DPP10: variants seen among roughly 807,000 people sequenced by gnomAD.
DPP10 encodes inactive dipeptidyl peptidase 10.
In DPP10, 33 loss-of-function variants were observed where a neutral mutation model predicts 120.9. The observed-to-expected ratio is 0.27, with a 90% CI of 0.21 to 0.37. The LOEUF is 0.37. Among genes scored for constraint, DPP10 ranks in the 10% least tolerant of loss-of-function variants. The pLI, the probability that DPP10 is intolerant of heterozygous loss-of-function variation, is 1.00. For synonymous variants in DPP10, 337 were observed against 326.1 expected, an observed-to-expected ratio of 1.03 and a Z score of -0.36; for missense variants, 816 against 942.8, an observed-to-expected ratio of 0.87 and a Z score of 1.76.
At chr2:115,271,264 T>C (rs1574245006) in intron 1 of DPP10, among the ~76,000 whole-genome samples, 2 of 152,360 alleles carry the variant, frequency 1.3e-5, no homozygotes, top group South Asian at 4.1e-4. Flanking sequence ...TCAATACTGA[T>C]AGTTTTAAGA....
chr2:114,785,156 A>G (rs538684983), intron 1 of DPP10, among the ~76,000 whole-genome samples: 5 of 151,922 alleles, frequency 3.3e-5, no homozygotes, highest in Non-Finnish European at 5.9e-5. Flanking sequence ...CTCCTGTTCT[A>G]TTTTTGAGAA....
intron 1 of DPP10, among the ~76,000 whole-genome samples, chr2:115,300,390 C>T (rs1418685762): frequency 6.6e-6 from 1 of 152,006 alleles, no homozygotes; most frequent in African/African-American, 2.4e-5. Context: ...TATGTTGTAG[C>T]AACTGTCGGG....
At chr2:114,698,932 A>G (rs568868011) in intron 1 of DPP10, among the ~76,000 whole-genome samples, 1 of 152,230 alleles carries the variant, frequency 6.6e-6, no homozygotes, top group Non-Finnish European at 1.5e-5. Flanking sequence ...GTAACAGGCA[A>G]TTCCCATTTT....
intron 9 of DPP10, among the ~76,000 whole-genome samples, chr2:115,740,264 T>C (rs1170774001): frequency 6.6e-6 from 1 of 152,088 alleles, no homozygotes; most frequent in Non-Finnish European, 1.5e-5. Flanking sequence ...GAAAGTGCCA[T>C]GGTCAAATAC....
chr2:115,842,417 G>A lies in DPP10; in HGVS notation c.*72G>A. 1 of 1,520,204 alleles carries A rather than the reference G, an allele frequency of 6.6e-7. No homozygotes were observed. The highest frequency in any genetic ancestry group is 8.9e-7 in the Non-Finnish European group (1 of 1,125,156). The allele number at this position is 1,520,204 out of a possible 1,614,324, so 94.2% of individuals were successfully genotyped here. On this transcript the variant is annotated 3_prime_UTR_variant, in exon 26 of 26. Transcript: ENST00000410059. ...AACCTGACAAAGAGACTGTAATATTGTAGTTGCTCCAGAATGTCAAGGGCA... is the reference window on the plus strand; with the variant it reads ...AACCTGACAAAGAGACTGTAATATTATAGTTGCTCCAGAATGTCAAGGGCA...
intron 1 of DPP10, among the ~76,000 whole-genome samples, chr2:114,564,386 T>C (rs191953454): frequency 2.0e-5 from 3 of 152,228 alleles, no homozygotes; most frequent in Admixed American, 6.5e-5. Context: ...ATTTCCAAGC[T>C]CACTAAGACC....
chr2:115,105,780 T>C (rs2048918617), intron 1 of DPP10, among the ~76,000 whole-genome samples: 1 of 152,232 alleles, frequency 6.6e-6, no homozygotes, highest in Admixed American at 6.5e-5. Flanking sequence ...TAACAAAATA[T>C]GTATTGAAGC....
chr2:115,718,611 T>G lies in DPP10; in HGVS notation c.577-9205T>G, dbSNP rs76379771. Among the ~76,000 whole-genome samples, 747 of 152,302 alleles carry G rather than the reference T, an allele frequency of 4.9e-3. 4 individuals are homozygous for G. The highest frequency in any genetic ancestry group is 0.017 in the African/African-American group (705 of 41,552). ...TAGGCAGTAACATTTTCTCCTAAAT[T>G]AATGCCCTCATCCATTGGTTTTATT... On this transcript the variant is annotated intron_variant, in intron 7 of 25. Transcript: ENST00000410059.
chr2:115,744,244 G>T (rs1403168102), intron 9 of DPP10, among the ~76,000 whole-genome samples: 1 of 150,216 alleles, frequency 6.7e-6, no homozygotes, highest in East Asian at 1.9e-4. Context: ...ACTTTGAATG[G>T]CACTGCCAAT....
intron 1 of DPP10, among the ~76,000 whole-genome samples, chr2:114,825,471 A>G (rs17043624): frequency 0.02 from 3,091 of 152,230 alleles, 98 homozygotes; most frequent in African/African-American, 0.071. Context: ...TATAATTTCA[A>G]TCATGCATAC....
intron 1 of DPP10, among the ~76,000 whole-genome samples, chr2:114,518,131 T>G (rs1573546678): frequency 7.2e-6 from 1 of 138,022 alleles, no homozygotes; most frequent in East Asian, 2.3e-4. Flanking sequence ...CAGGCTGGAA[T>G]GCAGTGGCCA....
At chr2:114,975,311 T>TG (rs1447781359) in intron 1 of DPP10, among the ~76,000 whole-genome samples, 5 of 152,192 alleles carry the variant, frequency 3.3e-5, no homozygotes, top group Admixed American at 6.5e-5. Flanking sequence ...CCCAAAGTGC[T>TG]GGGATTACAG....
At chr2:114,677,644 T>C (rs901474240) in intron 1 of DPP10, among the ~76,000 whole-genome samples, 1 of 152,138 alleles carries the variant, frequency 6.6e-6, no homozygotes, top group African/African-American at 2.4e-5. Flanking sequence ...AGTTAACAGC[T>C]GCTAAATGAT....
chr2:114,524,012 G>A (rs1393460775), intron 1 of DPP10, among the ~76,000 whole-genome samples: 1 of 152,218 alleles, frequency 6.6e-6, no homozygotes, highest in African/African-American at 2.4e-5. Flanking sequence ...ATGTACTAGG[G>A]AGCACCCAAA....
intron 5 of DPP10, among the ~76,000 whole-genome samples, chr2:115,552,685 C>A (rs891167244): frequency 2.6e-5 from 4 of 151,858 alleles, no homozygotes; most frequent in African/African-American, 9.7e-5. Flanking sequence ...GAGCACAATG[C>A]AATATGTATT....
intron 1 of DPP10, among the ~76,000 whole-genome samples, chr2:115,067,551 CAG>C: frequency 4.1e-5 from 6 of 146,158 alleles, no homozygotes; most frequent in African/African-American, 1.5e-4. Context: ...CGCGCCCAGC[CAG>C]AATTTCCTCT....
At chr2:115,043,133 C>A (rs1047054677) in intron 1 of DPP10, among the ~76,000 whole-genome samples, 9 of 152,052 alleles carry the variant, frequency 5.9e-5, no homozygotes, top group African/African-American at 1.4e-4. Context: ...ATTATGAGAG[C>A]CAAACTATTT....
intron 3 of DPP10, chr2:115,468,951 T>C (rs13400833): frequency 1.1e-3 from 225 of 211,766 alleles, no homozygotes; most frequent in African/African-American, 5.4e-3. Flanking sequence ...TGTTCTTTCA[T>C]AGATACTTTT....
At chr2:114,632,034 T>C (rs1050767789) in intron 1 of DPP10, among the ~76,000 whole-genome samples, 1 of 152,210 alleles carries the variant, frequency 6.6e-6, no homozygotes, top group Non-Finnish European at 1.5e-5. Context: ...GTTGATTGTT[T>C]CATCTTGTTG....
Sources: allele counts gnomAD v4.1 joint callset (sites outside exome capture counted in the v4.1 genomes callset), GRCh38; gene constraint gnomAD v4.1.1; transcripts MANE v1.5; gene names NCBI Gene and HGNC (gene_info 2026-07-23, HGNC 2026-07-21).